Variants in OLFM4 observed in about 807,000 individuals in gnomAD.
OLFM4 encodes the protein olfactomedin 4, also known as olfactomedin-4.
A neutral mutation model predicts 25.5 loss-of-function variants in OLFM4; 22 were observed. The ratio of observed to expected loss-of-function variants is 0.86; its 90% CI spans 0.62 to 1.23. The LOEUF (loss-of-function observed/expected upper bound fraction) is 1.23, where lower values mean the gene tolerates loss of function less well. Ranked by LOEUF, OLFM4 falls within the 50% of genes most tolerant of loss-of-function variation. OLFM4 has a pLI of 0.00. For missense variants in OLFM4, 594 were observed against 619.4 expected (o/e 0.96, Z 0.44); for synonymous variants, 255 against 237.7 (o/e 1.07, Z -0.67).
At chr13:53,046,283 A>C (rs905064271) in intron 4 of OLFM4, among the ~76,000 whole-genome samples, 1 of 152,180 alleles carries the variant, frequency 6.6e-6, no homozygotes, top group Admixed American at 6.5e-5. Flanking sequence ...ATTGGCTTCA[A>C]AAAAATGCTA....
chr13:53,035,140 C>T (rs1026706473), intron 2 of OLFM4, among the ~76,000 whole-genome samples: 2 of 151,592 alleles, frequency 1.3e-5, no homozygotes, highest in African/African-American at 4.8e-5. Context: ...AATCCTCTCC[C>T]TCTCATCCTC....
At chr13:53,046,939 C>G (rs56099527) in intron 4 of OLFM4, among the ~76,000 whole-genome samples, 13,126 of 152,198 alleles carry the variant, frequency 0.086, 700 homozygotes, top group Middle Eastern at 0.16. Flanking sequence ...CATAGCTGCT[C>G]TAACAGAGAG....
chr13:53,035,999 G>A (rs1954656402), intron 2 of OLFM4, among the ~76,000 whole-genome samples: 1 of 152,164 alleles, frequency 6.6e-6, no homozygotes, highest in African/African-American at 2.4e-5. Context: ...AGGAGCTCTG[G>A]CTTTACTGCA....
chr13:53,029,781 A>G lies in OLFM4; in HGVS notation c.204+741A>G, dbSNP rs139929158. ...AAACAAACAAAACCAAAAGTCATGC[A>G]TTACAACGAGGCTGGTACAGCTAGG... On this transcript the variant is annotated intron_variant, in intron 1 of 4. Coordinates refer to ENST00000219022, the MANE Select transcript of OLFM4 (RefSeq NM_006418.5). 7.9e-4 allele frequency among the ~76,000 whole-genome samples: 120 copies of G among 152,330 alleles called. 3 individuals carry two copies. In the East Asian group the frequency reaches 0.021, roughly 26 times the overall value.
Position 53,050,553 on chromosome 13 carries a change from G to GT in OLFM4, c.1317dup (p.Leu440SerfsTer19). The GT allele has an allele frequency of 2.5e-6, 4 of 1,613,920 alleles. No homozygotes were observed. Among genetic ancestry groups the GT allele is most frequent in the Non-Finnish European group, 3.4e-6 (4 of 1,179,948 alleles). Reference sequence around the variant, plus strand: ...TTCTAACGCCTTCATGGTATGTGGGGTTCTGTATGCCACCCGTACTATGAA... The same window carrying GT: ...TTCTAACGCCTTCATGGTATGTGGGGTTTCTGTATGCCACCCGTACTATGAA... On this transcript the variant is annotated frameshift_variant, in exon 5 of 5. Transcript: ENST00000219022. LOFTEE classifies it high-confidence loss of function.
intron 2 of OLFM4, 66 bp downstream of exon 2, chr13:53,034,566 G>C (rs1252572653): frequency 5.8e-5 from 81 of 1,391,790 alleles, no homozygotes; most frequent in Non-Finnish European, 7.7e-5. Context: ...TTTTAATTTA[G>C]GATTTTATAA....
intron 1 of OLFM4, among the ~76,000 whole-genome samples, chr13:53,032,819 T>A (rs942261761): frequency 1.6e-4 from 24 of 152,218 alleles, no homozygotes; most frequent in African/African-American, 5.1e-4. Flanking sequence ...ATAAAATAAG[T>A]CTTCATTATA....
intron 1 of OLFM4, among the ~76,000 whole-genome samples, chr13:53,030,877 C>T (rs887665460): frequency 6.6e-6 from 1 of 152,152 alleles, no homozygotes; most frequent in African/African-American, 2.4e-5. Flanking sequence ...AGTCAGAAAT[C>T]AGTTACATAA....
Position 53,051,286 on chromosome 13 carries a change from C to T in OLFM4, c.*515C>T, listed in dbSNP as rs17053844. On this transcript the variant is annotated 3_prime_UTR_variant, in exon 5 of 5. Coordinates refer to ENST00000219022, the MANE Select transcript of OLFM4 (RefSeq NM_006418.5). ...CCCCTCACTAGCACCTGGAATGATG[C>T]TTTGTATGTGGCAGATAAGTAAATT... is the stretch of plus-strand genomic sequence containing the variant. 0.071 allele frequency: 10,866 copies of T among 152,580 alleles called. 451 individuals are homozygous for T. Among genetic ancestry groups the T allele is most frequent in the East Asian group, 0.2 (1,015 of 5,162 alleles). The allele number at this position is 152,580 out of a possible 1,614,324, so 9.5% of individuals were successfully genotyped here.
rs931090576 is a variant in OLFM4, at chr13:53,035,730, G to A, written c.357+1230G>A. On this transcript the variant is annotated intron_variant, in intron 2 of 4. Transcript: ENST00000219022. ...TGGGAATTTGAATCAAGACTAATAGGTTTCTCAGCCTTGGTAAAAACACTG... is the reference window on the plus strand; with the variant it reads ...TGGGAATTTGAATCAAGACTAATAGATTTCTCAGCCTTGGTAAAAACACTG... Among the ~76,000 whole-genome samples, 7 of 152,216 alleles carry A rather than the reference G, an allele frequency of 4.6e-5. No homozygotes were observed. In the South Asian group the frequency reaches 1.5e-3, roughly 32 times the overall value.
At position 53,048,722 on chromosome 13, in the gene OLFM4, C is replaced by A. The variant is rs74758061; in HGVS notation, c.731-1247C>A. Among the ~76,000 whole-genome samples the A allele has an allele frequency of 1.3e-3, 194 of 152,228 alleles. 1 individual carries two copies. Among genetic ancestry groups the A allele is most frequent in the African/African-American group, 4.5e-3 (189 of 41,548 alleles). Reference sequence around the variant, plus strand: ...ATGTTCCTCAATGGCTCTCTGAGTCCCTGCAAGTATTTCAGGCCAAATCCA... The same window carrying A: ...ATGTTCCTCAATGGCTCTCTGAGTCACTGCAAGTATTTCAGGCCAAATCCA... On this transcript the variant is annotated intron_variant, in intron 4 of 4. Coordinates refer to ENST00000219022, the MANE Select transcript of OLFM4 (RefSeq NM_006418.5).
intron 4 of OLFM4, among the ~76,000 whole-genome samples, chr13:53,044,815 A>G (rs1300570097): frequency 6.6e-6 from 1 of 152,202 alleles, no homozygotes; most frequent in East Asian, 1.9e-4. Flanking sequence ...CTGGTGGACC[A>G]CAGAGGACTC....
At chr13:53,043,365 T>C in intron 4 of OLFM4, 101 bp downstream of exon 4, 1 of 629,218 alleles carries the variant, frequency 1.6e-6, no homozygotes, top group Non-Finnish European at 2.3e-6. Context: ...AAGAAGAAGG[T>C]GGGTTGTTTT....
chr13:53,046,361 G>A (rs556676321), intron 4 of OLFM4, among the ~76,000 whole-genome samples: 2 of 152,268 alleles, frequency 1.3e-5, no homozygotes, highest in Admixed American at 1.3e-4. Flanking sequence ...GCTTCCTCAG[G>A]TATTTTCAGA....
chr13:53,031,443 C>G (rs1234379247), intron 1 of OLFM4, among the ~76,000 whole-genome samples: 1 of 152,210 alleles, frequency 6.6e-6, no homozygotes, highest in Non-Finnish European at 1.5e-5. Flanking sequence ...CATTAAATCA[C>G]CTTAAATGTG....
At chr13:53,042,154 A>ATCCC in intron 3 of OLFM4, 32 bp downstream of exon 3, 3 of 1,580,224 alleles carry the variant, frequency 1.9e-6, no homozygotes, top group Non-Finnish European at 2.6e-6. Context: ...TGGTAAATTA[A>ATCCC]TAATAAACTC....
Position 53,050,174 on chromosome 13 carries a change from G to A in OLFM4, c.936G>A (p.Leu312=), listed in dbSNP as rs547734022. Residue 312 remains leucine, a synonymous_variant, in exon 5 of 5, where the codon TTG becomes TTA. Coordinates refer to ENST00000219022, the MANE Select transcript of OLFM4 (RefSeq NM_006418.5). ...GACTGTACAACACACTGGATGATTTGCTATTGTATATAAATGCTCGAGAGT... is the reference window on the plus strand; with the variant it reads ...GACTGTACAACACACTGGATGATTTACTATTGTATATAAATGCTCGAGAGT... ...YYRLYNTLDD[L]LLYINARELR... 1.2e-6 allele frequency: 2 copies of A among 1,614,004 alleles called. No individual in the cohort carries two copies. Among genetic ancestry groups the A allele is most frequent in the South Asian group, 2.2e-5 (2 of 91,070 alleles).
At chr13:53,031,271 T>G (rs1280962009) in intron 1 of OLFM4, among the ~76,000 whole-genome samples, 2 of 152,330 alleles carry the variant, frequency 1.3e-5, no homozygotes, top group East Asian at 3.9e-4. Flanking sequence ...GCTGTCAGCT[T>G]GATGAGCTCT....
At chr13:53,038,010 C>A (rs970671352) in intron 2 of OLFM4, among the ~76,000 whole-genome samples, 1 of 152,128 alleles carries the variant, frequency 6.6e-6, no homozygotes, top group Non-Finnish European at 1.5e-5. Context: ...ATGTGCATAA[C>A]AAGCAAAATA....
Sources: allele counts gnomAD v4.1 joint callset (sites outside exome capture counted in the v4.1 genomes callset), GRCh38; gene constraint gnomAD v4.1.1; transcripts MANE v1.5; gene names NCBI Gene and HGNC (gene_info 2026-07-23, HGNC 2026-07-21).